Variants in TENM3 observed in about 807,000 individuals in gnomAD.
The protein encoded by TENM3 is teneurin transmembrane protein 3.
TENM3 carries 63 observed loss-of-function variants against 255.1 expected under a neutral mutation model. The observed-to-expected ratio is 0.25, with a 90% CI of 0.20 to 0.30. The LOEUF is 0.30. TENM3 is among the 10% of genes least tolerant of loss of function. TENM3 has a pLI of 1.00. For synonymous variants in TENM3, 1,306 were observed against 1,322.3 expected (o/e 0.99, Z 0.27); for missense variants, 2,929 against 3,461.1 (o/e 0.85, Z 3.86).
At chr4:181,509,640 G>A in the TENM3 span, among the ~76,000 whole-genome samples, 1 of 152,186 alleles carries the variant, frequency 6.6e-6, no homozygotes, top group East Asian at 1.9e-4. Context: ...GAAAAGGATT[G>A]AACAGAACTT....
At chr4:182,361,642 T>C (rs1439020424) in intron 3 of TENM3, among the ~76,000 whole-genome samples, 2 of 151,926 alleles carry the variant, frequency 1.3e-5, no homozygotes, top group South Asian at 2.1e-4. Flanking sequence ...TCAAAGTTTT[T>C]AACTTCTTTA....
intron 24 of TENM3, among the ~76,000 whole-genome samples, chr4:182,781,544 G>A (rs561610351): frequency 8.1e-4 from 124 of 152,216 alleles, no homozygotes; most frequent in Non-Finnish European, 1.9e-4. Context: ...GCCTGGCTTT[G>A]GTATCAGAAT....
chr4:182,013,019 AAAAC>A, the TENM3 span, among the ~76,000 whole-genome samples: 5 of 152,266 alleles, frequency 3.3e-5, no homozygotes, highest in African/African-American at 1.2e-4. Flanking sequence ...AACAAAAACA[AAAAC>A]AAAAACGAAA....
At chr4:182,502,668 C>G (rs912487036) in intron 3 of TENM3, among the ~76,000 whole-genome samples, 1 of 152,024 alleles carries the variant, frequency 6.6e-6, no homozygotes, top group Non-Finnish European at 1.5e-5. Flanking sequence ...ACCGTATCCT[C>G]TTTTAACTCT....
intron 1 of TENM3, among the ~76,000 whole-genome samples, chr4:182,270,001 T>A (rs1759510415): frequency 6.6e-6 from 1 of 152,186 alleles, no homozygotes; most frequent in Non-Finnish European, 1.5e-5. Context: ...GGCTTACAGA[T>A]CATAGGTGGA....
At chr4:182,568,419 ATTAACGGG>A (rs1336892951) in intron 3 of TENM3, among the ~76,000 whole-genome samples, 1 of 152,238 alleles carries the variant, frequency 6.6e-6, no homozygotes, top group Non-Finnish European at 1.5e-5. Flanking sequence ...TTTCTTTTGA[ATTAACGGG>A]AAGTGGCTTT....
the TENM3 span, among the ~76,000 whole-genome samples, chr4:181,728,581 G>A: frequency 6.6e-6 from 1 of 152,142 alleles, no homozygotes; most frequent in Non-Finnish European, 1.5e-5. Flanking sequence ...ATGGCTTTTA[G>A]CATGCTAATG....
chr4:182,616,522 TAA>T (rs542212636), intron 4 of TENM3, among the ~76,000 whole-genome samples: 2 of 94,282 alleles, frequency 2.1e-5, no homozygotes, highest in African/African-American at 8.0e-5. Context: ...TAAAGTATAA[TAA>T]AAAAAAAAAA....
chr4:181,625,456 C>T, the TENM3 span, among the ~76,000 whole-genome samples: 1 of 152,126 alleles, frequency 6.6e-6, no homozygotes, highest in Non-Finnish European at 1.5e-5. Context: ...ACTATCTCTG[C>T]CTGCTTGCGG....
At chr4:181,915,866 ATAT>A in the TENM3 span, among the ~76,000 whole-genome samples, 2 of 152,160 alleles carry the variant, frequency 1.3e-5, no homozygotes, top group Non-Finnish European at 2.9e-5. Flanking sequence ...ACAGGCTAAG[ATAT>A]TATTAAGATC....
chr4:182,577,846 A>T (rs1745087927), intron 3 of TENM3, among the ~76,000 whole-genome samples: 1 of 152,216 alleles, frequency 6.6e-6, no homozygotes, highest in Non-Finnish European at 1.5e-5. Flanking sequence ...CCTAACATGT[A>T]AACATTTCTA....
At chr4:181,552,324 A>G in the TENM3 span, among the ~76,000 whole-genome samples, 2 of 152,232 alleles carry the variant, frequency 1.3e-5, no homozygotes, top group Non-Finnish European at 2.9e-5. Flanking sequence ...TGAGAAAAAC[A>G]GATTAAAATA....
At chr4:182,113,091 TA>T in the TENM3 span, among the ~76,000 whole-genome samples, 1 of 152,228 alleles carries the variant, frequency 6.6e-6, no homozygotes, top group Admixed American at 6.5e-5. Context: ...TTTATACTTA[TA>T]AAAAGCTGGC....
At chr4:181,521,800 T>TA in the TENM3 span, among the ~76,000 whole-genome samples, 3 of 151,988 alleles carry the variant, frequency 2.0e-5, no homozygotes, top group Non-Finnish European at 4.4e-5. Flanking sequence ...TAAAGTCACT[T>TA]AAGAAGCCAA....
the TENM3 span, among the ~76,000 whole-genome samples, chr4:182,012,378 G>A: frequency 6.6e-6 from 1 of 152,050 alleles, no homozygotes; most frequent in Admixed American, 6.6e-5. Flanking sequence ...TCTGAAATCA[G>A]CTCAAATTTC....
At chr4:182,025,111 C>T in the TENM3 span, among the ~76,000 whole-genome samples, 1 of 149,874 alleles carries the variant, frequency 6.7e-6, no homozygotes, top group African/African-American at 2.5e-5. Context: ...TCACTGCAAG[C>T]TCCGCCTTGC....
At position 182,681,853 on chromosome 4, in the gene TENM3, G is replaced by A; in HGVS notation, c.1874G>A (p.Cys625Tyr). The change falls in exon 11 of 28, where the codon TGT becomes TAT. Residue 625 changes from cysteine to tyrosine, a missense_variant. Physicochemically the swap from Cys to Tyr is radical, Grantham distance 194 (BLOSUM62 -2). Around this residue, in one of 6 missense-constraint regions of TENM3, gnomAD observed 1,608 missense variants for 1,884.4 expected, o/e 0.85. Coordinates refer to ENST00000511685, the MANE Select transcript of TENM3 (RefSeq NM_001080477.4). ...IDPGCSNHGV[C>Y]IHGECHCSPG... Reference sequence around the variant, plus strand: ...CCTGGGTGTTCTAATCATGGTGTGTGTATCCACGGGGAATGTCACTGCAGT... The same window carrying A: ...CCTGGGTGTTCTAATCATGGTGTGTATATCCACGGGGAATGTCACTGCAGT... 2 of 1,613,774 alleles carry A rather than the reference G, an allele frequency of 1.2e-6. No homozygotes were observed. Among genetic ancestry groups the A allele is most frequent in the Non-Finnish European group, 1.7e-6 (2 of 1,179,794 alleles).
At chr4:182,246,002 C>T (rs1282297071) in intron 1 of TENM3, among the ~76,000 whole-genome samples, 1 of 152,172 alleles carries the variant, frequency 6.6e-6, no homozygotes, top group Non-Finnish European at 1.5e-5. Context: ...GACTCCTTTT[C>T]TGGTAGCACT....
chr4:182,743,060 A>G, intron 18 of TENM3, 110 bp from the exon 19 acceptor site: 1 of 1,192,420 alleles, frequency 8.4e-7, no homozygotes. Context: ...GAATGTCTTA[A>G]TCCAGACCTG....
Sources: allele counts gnomAD v4.1 joint callset (sites outside exome capture counted in the v4.1 genomes callset), GRCh38; gene constraint gnomAD v4.1.1; regional missense constraint gnomAD v4.1.1; transcripts MANE v1.5; gene names NCBI Gene and HGNC (gene_info 2026-07-23, HGNC 2026-07-21).